Variants in SYNPR observed in about 807,000 individuals in gnomAD.
The protein encoded by SYNPR is synaptoporin.
In SYNPR, 23 loss-of-function variants were observed where a neutral mutation model predicts 32.9. The ratio of observed to expected loss-of-function variants is 0.70; its 90% confidence interval spans 0.50 to 0.99. The LOEUF is 0.99. Among genes scored for constraint, SYNPR ranks in the 50% least tolerant of loss-of-function variants. SYNPR has a pLI of 0.00. For synonymous variants in SYNPR, 146 were observed against 135.9 expected (o/e 1.07, Z -0.52); for missense variants, 318 against 349.3 (o/e 0.91, Z 0.71).
intron 3 of SYNPR, among the ~76,000 whole-genome samples, chr3:63,514,969 G>A (rs560021616): frequency 1.3e-5 from 2 of 152,212 alleles, no homozygotes; most frequent in South Asian, 4.1e-4. Flanking sequence ...GTAATCCTGA[G>A]TGGCAGGCTC....
intron 4 of SYNPR, among the ~76,000 whole-genome samples, chr3:63,577,525 T>A (rs941231157): frequency 9.2e-5 from 14 of 152,066 alleles, no homozygotes; most frequent in Non-Finnish European, 1.5e-5. Context: ...AATGTGGGCT[T>A]CTAGGGGCAA....
At chr3:63,489,500 A>G (rs72885493) in intron 3 of SYNPR, among the ~76,000 whole-genome samples, 3,442 of 152,310 alleles carry the variant, frequency 0.023, 136 homozygotes, top group African/African-American at 0.079. Flanking sequence ...GAGACCCTTC[A>G]ATCATTTTTC....
intron 2 of SYNPR, among the ~76,000 whole-genome samples, chr3:63,326,822 G>A (rs1031730442): frequency 2.0e-5 from 3 of 152,130 alleles, no homozygotes; most frequent in Non-Finnish European, 2.9e-5. Context: ...ACTCATGGAA[G>A]TAATTGAAGG....
chr3:63,210,642 C>A, the SYNPR span, among the ~76,000 whole-genome samples: 1 of 152,146 alleles, frequency 6.6e-6, no homozygotes, highest in African/African-American at 2.4e-5. Flanking sequence ...AAAAGAGTGG[C>A]TGAAGAATAG....
At chr3:63,546,657 C>A (rs1218049017) in intron 3 of SYNPR, among the ~76,000 whole-genome samples, 1 of 151,840 alleles carries the variant, frequency 6.6e-6, no homozygotes, top group Non-Finnish European at 1.5e-5. Flanking sequence ...ATAAAAAAAT[C>A]ATTGTCTCTA....
rs116158199 is a variant in SYNPR, at chr3:63,304,229, G to A, written c.84+25487G>A. 8.4e-3 allele frequency among the ~76,000 whole-genome samples: 1,270 copies of A among 152,024 alleles called. 24 individuals are homozygous for A. The highest frequency in any genetic ancestry group is 0.028 in the African/African-American group (1,149 of 41,494). ...TTTCTGCAAGTGGGTTCTCTTATAG[G>A]GAAAGCATTTGGAAACTAAGGGGAG... On this transcript the variant is annotated intron_variant, in intron 2 of 5. Coordinates refer to ENST00000478300, the MANE Select transcript of SYNPR (RefSeq NM_001130003.2).
At chr3:63,319,933 A>G (rs1418727979) in intron 2 of SYNPR, among the ~76,000 whole-genome samples, 2 of 151,960 alleles carry the variant, frequency 1.3e-5, no homozygotes, top group Non-Finnish European at 2.9e-5. Context: ...TAGTGAACAT[A>G]TTTAGATATG....
At chr3:63,416,994 G>C (rs1437779249) in intron 2 of SYNPR, among the ~76,000 whole-genome samples, 1 of 152,150 alleles carries the variant, frequency 6.6e-6, no homozygotes, top group African/African-American at 2.4e-5. Flanking sequence ...AACCAGTCAT[G>C]CCTTCCCAAC....
chr3:63,563,377 C>T (rs1413406282), intron 4 of SYNPR, among the ~76,000 whole-genome samples: 1 of 152,164 alleles, frequency 6.6e-6, no homozygotes, highest in Non-Finnish European at 1.5e-5. Context: ...AAGAAAATAA[C>T]AAAGAGATAT....
In SYNPR at chr3:63,607,146, A is replaced by C. The variant is rs188739713; in HGVS notation, c.409-1979A>C. Reference sequence around the variant, plus strand: ...ATGAATATAAATAATGAAAACCATCATACTATAGGTAATGCTTTAAGGTAA... The same window carrying C: ...ATGAATATAAATAATGAAAACCATCCTACTATAGGTAATGCTTTAAGGTAA... On this transcript the variant is annotated intron_variant, in intron 4 of 5. Transcript: ENST00000478300. 3.3e-3 allele frequency among the ~76,000 whole-genome samples: 506 copies of C among 152,306 alleles called. 3 individuals carry two copies. Among genetic ancestry groups the C allele is most frequent in the African/African-American group, 0.012 (485 of 41,576 alleles).
chr3:63,503,097 T>A (rs1200402067), intron 3 of SYNPR, among the ~76,000 whole-genome samples: 4 of 152,134 alleles, frequency 2.6e-5, no homozygotes, highest in African/African-American at 9.6e-5. Context: ...CCACCAGAAA[T>A]AAACATTTGG....
intron 2 of SYNPR, among the ~76,000 whole-genome samples, chr3:63,323,459 A>C (rs1390498323): frequency 6.6e-6 from 1 of 152,104 alleles, no homozygotes; most frequent in Non-Finnish European, 1.5e-5. Flanking sequence ...AAATCCTTGA[A>C]CTTCATTACT....
chr3:63,273,913 A>C (rs1317262375), upstream of SYNPR, among the ~76,000 whole-genome samples: 3 of 152,216 alleles, frequency 2.0e-5, no homozygotes, highest in Admixed American at 6.5e-5. Context: ...TTATTCTAAC[A>C]TTAGAGTTTT....
At chr3:63,440,132 T>C (rs114246902) in intron 2 of SYNPR, among the ~76,000 whole-genome samples, 2,829 of 152,128 alleles carry the variant, frequency 0.019, 36 homozygotes, top group Non-Finnish European at 0.027. Flanking sequence ...GGTTAGGTGG[T>C]TGGGGAAGAA....
At chr3:63,372,110 G>A (rs746916854) in intron 2 of SYNPR, among the ~76,000 whole-genome samples, 2 of 152,036 alleles carry the variant, frequency 1.3e-5, no homozygotes, top group Non-Finnish European at 2.9e-5. Flanking sequence ...ATCTTAGAGT[G>A]ACCAACAGCC....
At chr3:63,462,152 T>C (rs1700595172) in intron 2 of SYNPR, among the ~76,000 whole-genome samples, 1 of 152,030 alleles carries the variant, frequency 6.6e-6, no homozygotes, top group East Asian at 1.9e-4. Context: ...CATTCATCTA[T>C]GTCTAACTCT....
At chr3:63,352,561 G>C (rs937865631) in intron 2 of SYNPR, among the ~76,000 whole-genome samples, 1 of 152,086 alleles carries the variant, frequency 6.6e-6, no homozygotes, top group African/African-American at 2.4e-5. Context: ...GAAGCAAATA[G>C]AAAAAAGGGG....
chr3:63,457,590 A>G (rs1700506358), intron 2 of SYNPR, among the ~76,000 whole-genome samples: 1 of 152,182 alleles, frequency 6.6e-6, no homozygotes, highest in African/African-American at 2.4e-5. Flanking sequence ...TATTATTTAG[A>G]TAACAGGAAA....
intron 2 of SYNPR, among the ~76,000 whole-genome samples, chr3:63,262,457 A>C (rs1326495052): frequency 2.6e-5 from 4 of 152,108 alleles, no homozygotes; most frequent in African/African-American, 9.7e-5. Context: ...TTTCCTGGTC[A>C]AATTTTGCTC....
Sources: allele counts gnomAD v4.1 joint callset (sites outside exome capture counted in the v4.1 genomes callset), GRCh38; gene constraint gnomAD v4.1.1; transcripts MANE v1.5; gene names NCBI Gene and HGNC (gene_info 2026-07-23, HGNC 2026-07-21).